Variants in GET1 observed in about 807,000 individuals in gnomAD.
GET1 encodes the protein congenital heart disease 5 protein.
GET1 carries 20 observed loss-of-function variants against 22.6 expected under a neutral mutation model. The observed-to-expected ratio is 0.89, with a 90% CI of 0.62 to 1.29. The LOEUF is 1.29. Among genes scored for constraint, GET1 ranks in the 50% most tolerant of loss-of-function variants. GET1 has a pLI of 0.00. For synonymous variants in GET1, 92 were observed against 83.8 expected (o/e 1.10, Z -0.53); for missense variants, 209 against 219.9 (o/e 0.95, Z 0.31).
In GET1 at chr21:39,411,723, G is replaced by C; in HGVS notation, c.*23+786G>C. 4.8e-6 allele frequency: 7 copies of C among 1,467,302 alleles called. No individual in the cohort carries two copies. The highest frequency in any genetic ancestry group is 6.6e-6 in the Non-Finnish European group (7 of 1,066,608). 90.9% of individuals were successfully genotyped at this position (1,467,302 alleles called of 1,614,324 possible). On this transcript the variant is annotated intron_variant, in intron 1 of 1. Coordinates refer to the GET1 transcript ENST00000478273. ...CAAAAGTAATTAAAACATACCTTTT[G>C]GATAGTCCTCTGTGTCATGTAAATT...
downstream of GET1, among the ~76,000 whole-genome samples, chr21:39,400,914 T>A (rs1302955741): frequency 8.7e-6 from 1 of 114,792 alleles, no homozygotes; most frequent in Non-Finnish European, 2.1e-5. Context: ...TTTTCCTGTA[T>A]TTTTTTTTTT....
chr21:39,406,612 T>C (rs1304717028), exon 5 of GET1: 8 of 1,563,566 alleles, frequency 5.1e-6, no homozygotes, highest in African/African-American at 1.4e-5. Context: ...CCCTGATAAA[T>C]CTATATTAGA....
At chr21:39,407,417 A>G (rs955251933), downstream of GET1, among the ~76,000 whole-genome samples, 1 of 152,208 alleles carries the variant, frequency 6.6e-6, no homozygotes, top group Non-Finnish European at 1.5e-5. Context: ...TGGCAGTATC[A>G]AGATTTTAGG....
chr21:39,420,091 C>A (rs1229600488), intron 1 of GET1, among the ~76,000 whole-genome samples: 1 of 152,088 alleles, frequency 6.6e-6, no homozygotes, highest in African/African-American at 2.4e-5. Flanking sequence ...TAACAAGAAG[C>A]CTTGTTAATG....
chr21:39,394,843 G>A (rs374127221), intron 4 of GET1, among the ~76,000 whole-genome samples: 1 of 152,182 alleles, frequency 6.6e-6, no homozygotes, highest in South Asian at 2.1e-4. Context: ...TCAGACCATA[G>A]CACCATATCA....
In GET1 at chr21:39,415,706, A is replaced by T. The variant is rs1214333487; in HGVS notation, c.*23+4769A>T. On this transcript the variant is annotated intron_variant, in intron 1 of 1. Coordinates refer to the GET1 transcript ENST00000478273. ...TTAGAATCTAAACAAGGTTCAAAACACTGCGACTGATTAATATATCTCTTA... is the reference window on the plus strand; with the variant it reads ...TTAGAATCTAAACAAGGTTCAAAACTCTGCGACTGATTAATATATCTCTTA... Among the ~76,000 whole-genome samples the T allele has an allele frequency of 2.6e-5, 4 of 152,246 alleles. No individual in the cohort carries two copies. In the East Asian group the frequency reaches 7.7e-4, roughly 29 times the overall value.
chr21:39,396,824 A>C, intron 4 of GET1, 42 bp from the exon 5 acceptor site: 1 of 1,570,984 alleles, frequency 6.4e-7, no homozygotes, highest in South Asian at 1.1e-5. Flanking sequence ...TGGGGGCAGC[A>C]CTGCTGGTAT....
At position 39,423,288 on chromosome 21, in the gene GET1, C is replaced by A. The variant is rs146536316; in HGVS notation, c.*24-4944C>A. 142 of 1,608,588 alleles carry A rather than the reference C, an allele frequency of 8.8e-5. 1 individual carries two copies. In the African/African-American group the frequency reaches 1.6e-3, roughly 18 times the overall value. On this transcript the variant is annotated intron_variant, in intron 1 of 1. Transcript: ENST00000478273. ...TCAAATGCCTAAGCTGAAGTTGTTT[C>A]AAAAATTGGTTTTCTGTAAGGATGG... is the stretch of plus-strand genomic sequence containing the variant.
chr21:39,418,646 C>T (rs1186808268), intron 1 of GET1, among the ~76,000 whole-genome samples: 2 of 152,010 alleles, frequency 1.3e-5, no homozygotes, highest in African/African-American at 2.4e-5. Context: ...ATTACAGGCA[C>T]GCATCACCAT....
downstream of GET1, among the ~76,000 whole-genome samples, chr21:39,408,138 G>A (rs2039430857): frequency 6.6e-6 from 1 of 152,192 alleles, no homozygotes; most frequent in Non-Finnish European, 1.5e-5. Flanking sequence ...CGGGGCTGCA[G>A]CCAGATCTCC....
intron 1 of GET1, among the ~76,000 whole-genome samples, chr21:39,414,740 CTCTGTG>C (rs1280791279): frequency 1.5e-4 from 16 of 104,062 alleles, no homozygotes; most frequent in African/African-American, 5.2e-4. Flanking sequence ...CTCTCTCTCT[CTCTGTG>C]TGTGTGTGTG....
At chr21:39,398,897 G>A (rs1321767337), downstream of GET1, among the ~76,000 whole-genome samples, 1 of 151,806 alleles carries the variant, frequency 6.6e-6, no homozygotes, top group African/African-American at 2.4e-5. Flanking sequence ...CCGCCATGAC[G>A]CCCAGCTAAT....
intron 1 of GET1, among the ~76,000 whole-genome samples, chr21:39,381,193 G>A (rs2146893896): frequency 6.6e-6 from 1 of 152,220 alleles, no homozygotes; most frequent in East Asian, 1.9e-4. Flanking sequence ...AGCAGGGATA[G>A]GGATTTGGTG....
chr21:39,390,612 G>A (rs2038236066), intron 1 of GET1, 86 bp from the exon 2 acceptor site: 4 of 1,537,062 alleles, frequency 2.6e-6, no homozygotes, highest in Non-Finnish European at 2.6e-6. Flanking sequence ...GAGTGGTCAG[G>A]GCATAGACAG....
downstream of GET1, chr21:39,410,045 T>G: frequency 6.2e-7 from 1 of 1,611,160 alleles, no homozygotes; most frequent in Admixed American, 1.7e-5. Flanking sequence ...ATTTCATGAT[T>G]TATTTCAGTT....
chr21:39,385,086 C>A (rs568788724), intron 1 of GET1, among the ~76,000 whole-genome samples: 1 of 152,136 alleles, frequency 6.6e-6, no homozygotes, highest in Non-Finnish European at 1.5e-5. Context: ...GCTACTTCAT[C>A]ACAGCCTCTC....
At chr21:39,427,385 G>A (rs1314682994) in intron 1 of GET1, among the ~76,000 whole-genome samples, 1 of 152,120 alleles carries the variant, frequency 6.6e-6, no homozygotes, top group Non-Finnish European at 1.5e-5. Flanking sequence ...ACAAAGAGCC[G>A]GGCGCGGTGG....
intron 1 of GET1, among the ~76,000 whole-genome samples, chr21:39,418,689 G>A (rs1021346554): frequency 2.8e-4 from 42 of 151,904 alleles, no homozygotes; most frequent in Admixed American, 2.0e-3. Context: ...TAGTAGAGAC[G>A]GGGTTTTGCC....
At position 39,380,329 on chromosome 21, in the gene GET1, G is replaced by A. The variant is rs995201549; in HGVS notation, c.-56G>A. 17 of 1,550,500 alleles carry A rather than the reference G, an allele frequency of 1.1e-5. No homozygotes were observed. Among genetic ancestry groups the A allele is most frequent in the Admixed American group, 5.8e-5 (3 of 51,618 alleles). On this transcript the variant is annotated 5_prime_UTR_variant, in exon 1 of 5. Coordinates refer to ENST00000649170, the MANE Select transcript of GET1 (RefSeq NM_004627.6). Reference sequence around the variant, plus strand: ...CCGCGCAGGCGCGGTCGCCGCTGTTGTTGTGGTCCCCATGGAGCTGCCGTA... The same window carrying A: ...CCGCGCAGGCGCGGTCGCCGCTGTTATTGTGGTCCCCATGGAGCTGCCGTA...
Sources: allele counts gnomAD v4.1 joint callset (sites outside exome capture counted in the v4.1 genomes callset), GRCh38; gene constraint gnomAD v4.1.1; transcripts MANE v1.5; gene names NCBI Gene and HGNC (gene_info 2026-07-23, HGNC 2026-07-21).